MIPOL1: variants seen among roughly 807,000 people sequenced by gnomAD.
MIPOL1 encodes mirror-image polydactyly 1, also known as mirror-image polydactyly gene 1 protein.
In MIPOL1, 57 loss-of-function variants were observed where a neutral mutation model predicts 60.9. The ratio of observed to expected loss-of-function variants is 0.94; its 90% CI spans 0.76 to 1.17. The LOEUF (loss-of-function observed/expected upper bound fraction) is 1.17. MIPOL1 is among the 50% of genes most tolerant of loss of function. The pLI, the probability that MIPOL1 is intolerant of heterozygous loss-of-function variation, is 0.00. For synonymous variants in MIPOL1, 179 were observed against 168.8 expected (o/e 1.06, Z -0.47); for missense variants, 551 against 511.6 (o/e 1.08, Z -0.74).
chr14:37,225,212 ACCATTTTAGGGT>A (rs1255581210), intron 1 of MIPOL1, among the ~76,000 whole-genome samples: 1 of 152,130 alleles, frequency 6.6e-6, no homozygotes, highest in Non-Finnish European at 1.5e-5. Flanking sequence ...CAGTACTTAC[ACCATTTTAGGGT>A]CTAGAAGATG....
intron 4 of MIPOL1, among the ~76,000 whole-genome samples, chr14:37,267,725 T>C (rs1222210141): frequency 6.6e-6 from 1 of 152,198 alleles, no homozygotes; most frequent in African/African-American, 2.4e-5. Flanking sequence ...TTTTATTCAA[T>C]ATTATTTTCT....
At chr14:37,219,629 A>G (rs1968400257) in intron 1 of MIPOL1, 1 of 152,228 alleles carries the variant, frequency 6.6e-6, no homozygotes, top group Non-Finnish European at 1.5e-5. Context: ...TGGCCTCCCA[A>G]AGTGATGGAA....
intron 9 of MIPOL1, among the ~76,000 whole-genome samples, chr14:37,359,401 A>G (rs1168548987): frequency 6.6e-6 from 1 of 152,344 alleles, no homozygotes; most frequent in East Asian, 1.9e-4. Context: ...TGCGGATAGC[A>G]TTGAATCTAT....
chr14:37,329,548 A>G (rs920909141), intron 9 of MIPOL1, among the ~76,000 whole-genome samples: 1 of 152,152 alleles, frequency 6.6e-6, no homozygotes, highest in African/African-American at 2.4e-5. Context: ...GGATTTAACA[A>G]TGTTTGGGCA....
intron 9 of MIPOL1, among the ~76,000 whole-genome samples, chr14:37,337,725 G>A (rs2090277073): frequency 6.6e-6 from 1 of 151,760 alleles, no homozygotes; most frequent in African/African-American, 2.4e-5. Flanking sequence ...TTAAAATTGT[G>A]TTATTTTTCT....
rs1365751212 is a variant in MIPOL1 at position 37,550,027 on chromosome 14, GTTATTAA to G, written c.*3065_*3071del. ...GCAAGGTATAAGCAGTTAAAGCAAA[GTTATTAA>G]TTATTAATATATGAGAATTTAAAAT... On this transcript the variant is annotated 3_prime_UTR_variant, in exon 13 of 13. Coordinates refer to ENST00000684589, the MANE Select transcript of MIPOL1 (RefSeq NM_001388067.1). The G allele has an allele frequency of 6.6e-6, 1 of 151,672 alleles. No homozygotes were observed. The highest frequency in any genetic ancestry group is 1.5e-5 in the Non-Finnish European group (1 of 67,778). 9.4% of individuals were successfully genotyped at this position (151,672 alleles called of 1,614,324 possible).
chr14:37,446,939 G>T (rs1242315683), intron 11 of MIPOL1, among the ~76,000 whole-genome samples: 1 of 151,802 alleles, frequency 6.6e-6, no homozygotes, highest in African/African-American at 2.4e-5. Flanking sequence ...TGGGGGGAGT[G>T]GGGAGGGATA....
At chr14:37,217,216 A>G (rs1437686995) in intron 1 of MIPOL1, among the ~76,000 whole-genome samples, 2 of 152,200 alleles carry the variant, frequency 1.3e-5, no homozygotes, top group South Asian at 2.1e-4. Flanking sequence ...CAAAACCTGA[A>G]CAGGCTAGTA....
chr14:37,395,075 T>A (rs1053523069), intron 10 of MIPOL1, among the ~76,000 whole-genome samples: 5 of 152,002 alleles, frequency 3.3e-5, no homozygotes, highest in African/African-American at 9.7e-5. Flanking sequence ...TTGGCTATAT[T>A]TGGGTTTATT....
intron 12 of MIPOL1, among the ~76,000 whole-genome samples, chr14:37,545,372 CAG>C (rs1041694521): frequency 9.2e-5 from 14 of 152,144 alleles, no homozygotes; most frequent in Non-Finnish European, 1.9e-4. Context: ...TCATAATATT[CAG>C]AGTGTGTAAG....
intron 11 of MIPOL1, among the ~76,000 whole-genome samples, chr14:37,468,165 CGTGTGT>C (rs111522743): frequency 6.7e-6 from 1 of 148,556 alleles, no homozygotes; most frequent in Non-Finnish European, 1.5e-5. Context: ...TTTACATATA[CGTGTGT>C]GTGTGTGTGT....
intron 10 of MIPOL1, among the ~76,000 whole-genome samples, chr14:37,409,141 G>A (rs1447693085): frequency 6.6e-6 from 1 of 152,110 alleles, no homozygotes; most frequent in Admixed American, 6.5e-5. Flanking sequence ...GGCACCCCCA[G>A]TTTAGTCCAG....
chr14:37,507,646 C>A (rs1437532995), intron 12 of MIPOL1: 1 of 152,120 alleles, frequency 6.6e-6, no homozygotes, highest in Non-Finnish European at 1.5e-5. Context: ...AGATAAATAC[C>A]TAATGTAAAT....
At chr14:37,199,564 G>A (rs142539507) in intron 1 of MIPOL1, among the ~76,000 whole-genome samples, 2 of 151,102 alleles carry the variant, frequency 1.3e-5, no homozygotes, top group Non-Finnish European at 2.9e-5. Flanking sequence ...TCGCTCTGCC[G>A]CCAAGGCTGG....
At chr14:37,481,356 G>A (rs955884740) in intron 11 of MIPOL1, among the ~76,000 whole-genome samples, 4 of 151,936 alleles carry the variant, frequency 2.6e-5, no homozygotes, top group Non-Finnish European at 4.4e-5. Flanking sequence ...ACTCTAAAAT[G>A]TCAATGAAAG....
intron 12 of MIPOL1, among the ~76,000 whole-genome samples, chr14:37,518,340 A>C (rs767177071): frequency 7.9e-5 from 12 of 152,122 alleles, no homozygotes; most frequent in Non-Finnish European, 1.5e-4. Flanking sequence ...AGTAAATCTC[A>C]TGATTTTATT....
intron 11 of MIPOL1, among the ~76,000 whole-genome samples, chr14:37,480,823 C>CA (rs2094851931): frequency 6.6e-6 from 1 of 151,996 alleles, no homozygotes; most frequent in African/African-American, 2.4e-5. Flanking sequence ...AAAAAACAAA[C>CA]AAACAAAAAA....
chr14:37,299,281 G>T (rs2086125478), intron 7 of MIPOL1, among the ~76,000 whole-genome samples: 2 of 150,084 alleles, frequency 1.3e-5, no homozygotes, highest in Admixed American at 6.7e-5. Context: ...ACACACAGGG[G>T]ACTGTTGTAG....
chr14:37,291,936 T>TTTC (rs1211879363), intron 7 of MIPOL1, among the ~76,000 whole-genome samples: 3 of 145,220 alleles, frequency 2.1e-5, no homozygotes, highest in African/African-American at 7.7e-5. Flanking sequence ...TTTTTTTTTT[T>TTTC]TTTTTTAGAG....
Sources: gnomAD v4.1 joint callset for allele counts (sites outside exome capture counted in the v4.1 genomes callset) on GRCh38, gnomAD v4.1.1 for gene constraint, MANE v1.5 for transcripts, NCBI Gene and HGNC (gene_info 2026-07-23, HGNC 2026-07-21) for gene names.